The following LCP1 variants were observed in gnomAD, a reference collection of about 807,000 sequenced individuals.
LCP1 encodes the protein plastin-2.
In LCP1, 23 loss-of-function variants were observed where a neutral mutation model predicts 72.0. That is an observed-to-expected ratio of 0.32 (90% CI 0.23 to 0.45). LCP1 has a LOEUF of 0.45. Ranked by LOEUF, LCP1 falls within the 20% of genes least tolerant of loss-of-function variation. The probability of loss-of-function intolerance (pLI) is 1.00; values close to 1 mark genes in which losing one functional copy is unlikely to be tolerated. For missense variants in LCP1, 571 were observed against 748.3 expected (o/e 0.76, Z 2.76); for synonymous variants, 245 against 275.4 (o/e 0.89, Z 1.09).
intron 5 of LCP1, among the ~76,000 whole-genome samples, chr13:46,155,433 G>C (rs1335465521): frequency 6.6e-6 from 1 of 152,160 alleles, no homozygotes; most frequent in Non-Finnish European, 1.5e-5. Context: ...GGAAGACCAT[G>C]GGGTGCCTTG....
intron 1 of LCP1, among the ~76,000 whole-genome samples, chr13:46,180,213 A>G (rs1343468471): frequency 1.3e-5 from 2 of 152,106 alleles, no homozygotes; most frequent in Non-Finnish European, 2.9e-5. Flanking sequence ...TCCTTCAATT[A>G]TCTAGCCCAT....
chr13:46,180,476 A>T (rs2138293640), intron 1 of LCP1, among the ~76,000 whole-genome samples: 1 of 152,362 alleles, frequency 6.6e-6, no homozygotes, highest in East Asian at 1.9e-4. Context: ...TTCAAGGCAT[A>T]ATTTACAAAA....
intron 9 of LCP1, among the ~76,000 whole-genome samples, chr13:46,147,774 T>C (rs2045739770): frequency 2.0e-5 from 3 of 152,214 alleles, no homozygotes; most frequent in African/African-American, 4.8e-5. Context: ...TGCTGAAATA[T>C]GGCCCACTGT....
rs112695388 is a variant in LCP1, at chr13:46,142,533, G to A, written c.1369-108C>T. On this transcript the variant is annotated intron_variant, in intron 12 of 15. Coordinates refer to ENST00000323076, the MANE Select transcript of LCP1 (RefSeq NM_002298.5). ...AAAATGAAATAAATATGGTAAGACC[G>A]AATGACCTCTCAAGTCTCAACTGGT... is the stretch of plus-strand genomic sequence containing the variant. 2.2e-5 allele frequency: 27 copies of A among 1,214,366 alleles called. 1 individual carries two copies. In the East Asian group the frequency reaches 2.8e-4, roughly 13 times the overall value. 75.2% of individuals were successfully genotyped at this position (1,214,366 alleles called of 1,614,324 possible).
At chr13:46,168,118 G>C (rs984493708) in intron 1 of LCP1, among the ~76,000 whole-genome samples, 5 of 152,192 alleles carry the variant, frequency 3.3e-5, no homozygotes, top group Non-Finnish European at 7.3e-5. Flanking sequence ...TAACTGGCAG[G>C]AAATAGAAGG....
chr13:46,127,053 G>GC lies in LCP1; in HGVS notation c.*537dup, dbSNP rs927589429. On this transcript the variant is annotated 3_prime_UTR_variant, in exon 16 of 16. Coordinates refer to ENST00000323076, the MANE Select transcript of LCP1 (RefSeq NM_002298.5). ...AGACAAGGACGGCCAGAAGAGATGG[G>GC]CCCCCCCGGAAGGCATGGTTCCAAA... 2.6e-4 allele frequency: 61 copies of GC among 230,592 alleles called. No homozygotes were observed. Among genetic ancestry groups the GC allele is most frequent in the African/African-American group, 6.9e-4 (31 of 45,116 alleles). The allele number at this position is 230,592 out of a possible 1,614,324, so 14.3% of individuals were successfully genotyped here.
intron 13 of LCP1, among the ~76,000 whole-genome samples, chr13:46,138,519 T>C (rs957658163): frequency 6.6e-6 from 1 of 152,214 alleles, no homozygotes; most frequent in Non-Finnish European, 1.5e-5. Context: ...AGAGTGGACC[T>C]TGTTGTGTAT....
At chr13:46,149,462 G>A (rs552797255) in intron 8 of LCP1, among the ~76,000 whole-genome samples, 4 of 152,262 alleles carry the variant, frequency 2.6e-5, no homozygotes, top group Non-Finnish European at 5.9e-5. Context: ...CCTGCCCTGG[G>A]TTACATCTTT....
In LCP1 at chr13:46,158,630, T is replaced by C. The variant is rs760743450; in HGVS notation, c.250A>G (p.Thr84Ala). Residue 84 changes from threonine to alanine, a missense_variant, in exon 4 of 16, where the codon ACA becomes GCA. Physicochemically the swap from Thr to Ala is moderately conservative, Grantham distance 58. Coordinates refer to ENST00000323076, the MANE Select transcript of LCP1 (RefSeq NM_002298.5). The stretch of plus-strand genomic sequence containing the variant: ...TTTCTAAAGGTCTTGGCAACATCTG[T>C]GCTTTTTAGGCCATGGAAAATCTGC... The part of the protein sequence containing the change: ...FIKIFHGLKS[T>A]DVAKTFRKAI... 3 of 1,614,226 alleles carry C rather than the reference T, an allele frequency of 1.9e-6. No homozygotes were observed. The highest frequency in any genetic ancestry group is 3.3e-5 in the Admixed American group (2 of 60,032).
chr13:46,154,628 C>A (rs2045789089), intron 6 of LCP1, among the ~76,000 whole-genome samples, 177 bp downstream of exon 6: 2 of 152,196 alleles, frequency 1.3e-5, no homozygotes. Context: ...CTCCACCAGT[C>A]TCCCTTCTTT....
At chr13:46,164,278 T>C (rs1449593896) in intron 1 of LCP1, among the ~76,000 whole-genome samples, 8 of 152,138 alleles carry the variant, frequency 5.3e-5, no homozygotes, top group Non-Finnish European at 1.2e-4. Context: ...AACAAAACAA[T>C]TACAGTGTTG....
intron 10 of LCP1, among the ~76,000 whole-genome samples, chr13:46,144,844 G>C (rs1259953785): frequency 6.6e-6 from 1 of 152,162 alleles, no homozygotes; most frequent in Admixed American, 6.5e-5. Context: ...ACAAGCTACA[G>C]AACTCACTTA....
At chr13:46,141,006 C>A (rs1212504256) in intron 13 of LCP1, among the ~76,000 whole-genome samples, 1 of 152,154 alleles carries the variant, frequency 6.6e-6, no homozygotes, top group East Asian at 1.9e-4. Context: ...AGAACCAGGG[C>A]TGGTGGGTAT....
At chr13:46,162,270 C>T (rs1379659203) in intron 1 of LCP1, among the ~76,000 whole-genome samples, 2 of 110,174 alleles carry the variant, frequency 1.8e-5, no homozygotes, top group African/African-American at 7.1e-5. Flanking sequence ...CCCCTCCCTC[C>T]CCCTCCCCCT....
At chr13:46,150,821 G>C in intron 8 of LCP1, 115 bp downstream of exon 8, 1 of 1,195,604 alleles carries the variant, frequency 8.4e-7, no homozygotes, top group Non-Finnish European at 1.2e-6. Flanking sequence ...AACAGCACCA[G>C]ACTACCCTGG....
chr13:46,134,841 C>T (rs1424330369), intron 13 of LCP1, among the ~76,000 whole-genome samples: 5 of 152,012 alleles, frequency 3.3e-5, no homozygotes, highest in South Asian at 2.1e-4. Flanking sequence ...CTAGGCCAGG[C>T]GCCAGTAATC....
intron 1 of LCP1, among the ~76,000 whole-genome samples, chr13:46,175,308 C>A (rs1400350481): frequency 6.6e-6 from 1 of 152,228 alleles, no homozygotes; most frequent in South Asian, 2.1e-4. Context: ...GGGAAAATAA[C>A]CCACATCACA....
intron 6 of LCP1, among the ~76,000 whole-genome samples, chr13:46,153,464 G>T (rs2045781592): frequency 6.6e-6 from 1 of 152,140 alleles, no homozygotes; most frequent in Non-Finnish European, 1.5e-5. Flanking sequence ...ACTTTGAGAG[G>T]TCAAGGCGGG....
intron 13 of LCP1, among the ~76,000 whole-genome samples, chr13:46,140,393 A>C (rs1452115264): frequency 1.3e-5 from 2 of 152,210 alleles, no homozygotes; most frequent in African/African-American, 4.8e-5. Flanking sequence ...GAAAAATTTC[A>C]TAATACATGA....
Sources: allele counts gnomAD v4.1 joint callset (sites outside exome capture counted in the v4.1 genomes callset), GRCh38; gene constraint gnomAD v4.1.1; transcripts MANE v1.5; gene names NCBI Gene and HGNC (gene_info 2026-07-23, HGNC 2026-07-21).